MAP4: variants seen among roughly 807,000 people sequenced by gnomAD.
MAP4 encodes the protein microtubule-associated protein 4.
A neutral mutation model predicts 170.2 loss-of-function variants in MAP4; 76 were observed. That is an observed-to-expected ratio of 0.45 (90% CI 0.37 to 0.54). The LOEUF (loss-of-function observed/expected upper bound fraction) is 0.54. Ranked by LOEUF, MAP4 falls within the 20% of genes least tolerant of loss-of-function variation. MAP4 has a pLI of 0.00. For missense variants in MAP4, 2,506 were observed against 2,748.0 expected, an observed-to-expected ratio of 0.91 and a Z score of 1.97; for synonymous variants, 909 against 994.5, an observed-to-expected ratio of 0.91 and a Z score of 1.62.
chr3:48,027,204 T>C (rs957559298), intron 1 of MAP4, among the ~76,000 whole-genome samples: 1 of 152,212 alleles, frequency 6.6e-6, no homozygotes, highest in Non-Finnish European at 1.5e-5. Context: ...AATACATGTA[T>C]GAACATGTAA....
chr3:48,059,664 G>A (rs1579674839), intron 1 of MAP4, among the ~76,000 whole-genome samples: 1 of 152,198 alleles, frequency 6.6e-6, no homozygotes, highest in Middle Eastern at 3.4e-3. Context: ...GCTGGGTGCA[G>A]TGGCTCACAC....
At chr3:48,074,577 G>T (rs2100142741) in intron 1 of MAP4, among the ~76,000 whole-genome samples, 2 of 147,188 alleles carry the variant, frequency 1.4e-5, no homozygotes, top group Admixed American at 6.9e-5. Flanking sequence ...GCAATGGCAG[G>T]ATCACAGATC....
chr3:47,942,477 G>T (rs909606323), intron 3 of MAP4, among the ~76,000 whole-genome samples: 2 of 152,044 alleles, frequency 1.3e-5, no homozygotes, highest in Non-Finnish European at 2.9e-5. Context: ...CTGCAGCCTT[G>T]ACTGAGCTCC....
At chr3:47,997,669 T>A (rs1186217719) in intron 2 of MAP4, among the ~76,000 whole-genome samples, 1 of 151,768 alleles carries the variant, frequency 6.6e-6, no homozygotes, top group Non-Finnish European at 1.5e-5. Context: ...AAAAGCTGGA[T>A]CTTTCAATAC....
At chr3:47,858,586 G>GGGGT (rs143478649) in intron 17 of MAP4, among the ~76,000 whole-genome samples, 2 of 145,180 alleles carry the variant, frequency 1.4e-5, no homozygotes, top group Non-Finnish European at 3.0e-5. Context: ...GTGAGGGGGT[G>GGGGT]GTGTGTGTGT....
chr3:48,052,973 A>G (rs186872005), intron 1 of MAP4, among the ~76,000 whole-genome samples: 4 of 152,330 alleles, frequency 2.6e-5, no homozygotes, highest in Admixed American at 2.0e-4. Flanking sequence ...TTGAAAGGAT[A>G]GCTTCCCAAA....
chr3:48,036,257 C>G (rs1055364500), intron 1 of MAP4, among the ~76,000 whole-genome samples: 13 of 152,066 alleles, frequency 8.5e-5, no homozygotes, highest in Non-Finnish European at 2.9e-5. Context: ...AACAATTGAA[C>G]ACTAGTTTAA....
At chr3:47,931,743 T>G (rs1309429703) in intron 3 of MAP4, 1 of 150,936 alleles carries the variant, frequency 6.6e-6, no homozygotes, top group Non-Finnish European at 1.5e-5. Flanking sequence ...AGTTCTCTGA[T>G]CTCAACCTCC....
At chr3:48,048,287 C>A (rs1356682708) in intron 1 of MAP4, among the ~76,000 whole-genome samples, 1 of 152,158 alleles carries the variant, frequency 6.6e-6, no homozygotes, top group Non-Finnish European at 1.5e-5. Flanking sequence ...AAGCCACAGA[C>A]AATGGAGCAA....
intron 2 of MAP4, among the ~76,000 whole-genome samples, chr3:47,979,400 A>T (rs1433014078): frequency 6.6e-6 from 1 of 152,142 alleles, no homozygotes; most frequent in Admixed American, 6.6e-5. Context: ...GTTATGTTCC[A>T]TCAATTTGTA....
intron 17 of MAP4, among the ~76,000 whole-genome samples, chr3:47,861,666 A>AAACAACAAC (rs538497304): frequency 6.6e-6 from 1 of 151,288 alleles, no homozygotes; most frequent in Non-Finnish European, 1.5e-5. Flanking sequence ...TCTGTCTTTA[A>AAACAACAAC]AACAACAACA....
At chr3:48,071,421 G>A (rs760494408) in intron 1 of MAP4, among the ~76,000 whole-genome samples, 3 of 151,728 alleles carry the variant, frequency 2.0e-5, no homozygotes, top group Admixed American at 6.6e-5. Context: ...GGTGGCACAC[G>A]CCTGCAGTCC....
intron 9 of MAP4, among the ~76,000 whole-genome samples, chr3:47,908,727 A>C (rs1436141768): frequency 2.0e-5 from 3 of 152,210 alleles, no homozygotes; most frequent in Non-Finnish European, 4.4e-5. Context: ...CACAATTTTA[A>C]AAAAATTAAG....
At chr3:47,977,089 A>G (rs909001490) in intron 3 of MAP4, among the ~76,000 whole-genome samples, 1 of 152,242 alleles carries the variant, frequency 6.6e-6, no homozygotes, top group Non-Finnish European at 1.5e-5. Flanking sequence ...TGCAGGAAAC[A>G]ATGGGATTGA....
intron 17 of MAP4, among the ~76,000 whole-genome samples, chr3:47,860,877 T>C (rs2064467884): frequency 6.6e-6 from 1 of 152,020 alleles, no homozygotes; most frequent in Non-Finnish European, 1.5e-5. Context: ...ATTAGAAGAA[T>C]CCAGATTCTA....
At chr3:47,893,303 C>T (rs573668878) in intron 10 of MAP4, among the ~76,000 whole-genome samples, 2 of 152,284 alleles carry the variant, frequency 1.3e-5, no homozygotes, top group African/African-American at 2.4e-5. Context: ...TATGCATTTA[C>T]GCCTGTCCCT....
intron 2 of MAP4, among the ~76,000 whole-genome samples, chr3:47,996,420 G>C (rs2100095655): frequency 6.6e-6 from 1 of 152,102 alleles, no homozygotes; most frequent in Admixed American, 6.6e-5. Flanking sequence ...CACCTGGCTA[G>C]AACTCTTCCG....
intron 2 of MAP4, among the ~76,000 whole-genome samples, chr3:47,989,638 C>A (rs1248145310): frequency 6.6e-6 from 1 of 152,156 alleles, no homozygotes; most frequent in South Asian, 2.1e-4. Context: ...CAACACCTCA[C>A]AATCTAAAAA....
chr3:47,928,766 T>A (rs77787872), intron 3 of MAP4, among the ~76,000 whole-genome samples: 49 of 151,762 alleles, frequency 3.2e-4, no homozygotes, highest in Non-Finnish European at 5.2e-4. Flanking sequence ...GGTAGTGATT[T>A]CTCCACATGA....
Sources: gnomAD v4.1 joint callset for allele counts (sites outside exome capture counted in the v4.1 genomes callset) on GRCh38, gnomAD v4.1.1 for gene constraint, MANE v1.5 for transcripts, NCBI Gene and HGNC (gene_info 2026-07-23, HGNC 2026-07-21) for gene names.